ASTN2: variants seen among roughly 807,000 people sequenced by gnomAD.
ASTN2 encodes astrotactin 2.
In ASTN2, 54 loss-of-function variants were observed where a neutral mutation model predicts 139.8. The ratio of observed to expected loss-of-function variants is 0.39; its 90% CI spans 0.31 to 0.48. The LOEUF (loss-of-function observed/expected upper bound fraction) is 0.48. Ranked by LOEUF, ASTN2 falls within the 20% of genes least tolerant of loss-of-function variation. ASTN2 has a pLI of 0.95. For missense variants in ASTN2, 1,565 were observed against 1,725.1 expected (o/e 0.91, Z 1.64); for synonymous variants, 756 against 719.5 (o/e 1.05, Z -0.81).
At chr9:116,819,517 G>A (rs1831425581) in intron 12 of ASTN2, among the ~76,000 whole-genome samples, 1 of 152,078 alleles carries the variant, frequency 6.6e-6, no homozygotes, top group Non-Finnish European at 1.5e-5. Context: ...AGAAAAACTG[G>A]ACTCTACACA....
intron 2 of ASTN2, among the ~76,000 whole-genome samples, chr9:117,275,037 T>C (rs1834153145): frequency 6.6e-6 from 1 of 152,242 alleles, no homozygotes; most frequent in Non-Finnish European, 1.5e-5. Context: ...GAGTATATTC[T>C]TACACATTTC....
Position 116,424,277 on chromosome 9 carries a change from A to G in ASTN2, c.*1574T>C, listed in dbSNP as rs73656833. Reference sequence around the variant, plus strand: ...GTATGTCACCCCCTAAGCTATCATCACCTCCTTCATGGAAAATGACAATGG... The same window carrying G: ...GTATGTCACCCCCTAAGCTATCATCGCCTCCTTCATGGAAAATGACAATGG... On this transcript the variant is annotated 3_prime_UTR_variant, in exon 23 of 23. Coordinates refer to ENST00000313400, the MANE Select transcript of ASTN2 (RefSeq NM_001365068.1). 4.4e-3 allele frequency among the ~76,000 whole-genome samples: 665 copies of G among 152,148 alleles called. 4 individuals are homozygous for G. Among genetic ancestry groups the G allele is most frequent in the African/African-American group, 0.015 (621 of 41,500 alleles).
intron 16 of ASTN2, among the ~76,000 whole-genome samples, chr9:116,680,093 T>G (rs1859754817): frequency 6.6e-6 from 1 of 152,130 alleles, no homozygotes; most frequent in Non-Finnish European, 1.5e-5. Flanking sequence ...GAGCTGGTTT[T>G]TTGAAAGGAT....
chr9:116,614,076 C>G (rs1177369856), intron 19 of ASTN2, among the ~76,000 whole-genome samples: 2 of 152,072 alleles, frequency 1.3e-5, no homozygotes, highest in African/African-American at 2.4e-5. Context: ...TTCCTATACA[C>G]CAATAACAGA....
Position 116,723,448 on chromosome 9 carries a change from C to A in ASTN2, c.2806+2323G>T, listed in dbSNP as rs113056984. 2.4e-3 allele frequency among the ~76,000 whole-genome samples: 369 copies of A among 152,062 alleles called. 2 individuals carry two copies. Among genetic ancestry groups the A allele is most frequent in the African/African-American group, 8.5e-3 (353 of 41,472 alleles). On this transcript the variant is annotated intron_variant, in intron 16 of 22. Transcript: ENST00000313400. Reference sequence around the variant, plus strand: ...GAAAGAGGAGTAAAGACATGAAACACCCTCCATCCCACTTCAGCACTGCAC... The same window carrying A: ...GAAAGAGGAGTAAAGACATGAAACAACCTCCATCCCACTTCAGCACTGCAC...
intron 19 of ASTN2, among the ~76,000 whole-genome samples, chr9:116,548,216 C>T (rs1852188732): frequency 6.6e-6 from 1 of 152,154 alleles, no homozygotes; most frequent in Admixed American, 6.5e-5. Flanking sequence ...GGAGGCTGCC[C>T]TCCTGCCTGG....
At chr9:116,801,239 G>A (rs1420545446) in intron 13 of ASTN2, among the ~76,000 whole-genome samples, 1 of 152,082 alleles carries the variant, frequency 6.6e-6, no homozygotes, top group Non-Finnish European at 1.5e-5. Context: ...GAAGGACAAA[G>A]GAGCTCCATC....
intron 4 of ASTN2, among the ~76,000 whole-genome samples, chr9:117,132,140 T>C (rs78227496): frequency 6.6e-6 from 1 of 152,178 alleles, no homozygotes; most frequent in Non-Finnish European, 1.5e-5. Flanking sequence ...AGCAGAATGA[T>C]GATGTGTACC....
At chr9:116,788,832 A>G (rs1304037318) in intron 13 of ASTN2, among the ~76,000 whole-genome samples, 1 of 152,174 alleles carries the variant, frequency 6.6e-6, no homozygotes, top group Non-Finnish European at 1.5e-5. Context: ...TAGATAATAC[A>G]AAAAATAAAA....
At chr9:116,440,545 G>A in intron 22 of ASTN2, 64 bp downstream of exon 22, 3 of 1,488,344 alleles carry the variant, frequency 2.0e-6, no homozygotes, top group African/African-American at 1.4e-5. Context: ...TGGGGAAAGG[G>A]TCCAGAAAAG....
intron 1 of ASTN2, among the ~76,000 whole-genome samples, chr9:117,352,417 G>A (rs776659385): frequency 6.6e-6 from 1 of 152,156 alleles, no homozygotes; most frequent in Non-Finnish European, 1.5e-5. Flanking sequence ...TAAACACACA[G>A]AGGTCAAACA....
At chr9:116,596,517 C>A (rs889295503) in intron 19 of ASTN2, among the ~76,000 whole-genome samples, 11 of 152,152 alleles carry the variant, frequency 7.2e-5, no homozygotes, top group Non-Finnish European at 1.5e-5. Flanking sequence ...ATGTTTGTAT[C>A]TTGCTTGTGG....
intron 1 of ASTN2, among the ~76,000 whole-genome samples, chr9:117,302,489 C>G (rs533927489): frequency 1.3e-5 from 2 of 152,156 alleles, no homozygotes; most frequent in Admixed American, 1.3e-4. Flanking sequence ...TAGCAGTATG[C>G]GGGACAAGGA....
intron 10 of ASTN2, among the ~76,000 whole-genome samples, chr9:116,947,351 G>A (rs997414504): frequency 2.0e-5 from 3 of 152,192 alleles, no homozygotes; most frequent in Non-Finnish European, 2.9e-5. Context: ...TGATGAGGTT[G>A]TTATTTCTTC....
chr9:116,633,782 A>G (rs1235998801), intron 17 of ASTN2, among the ~76,000 whole-genome samples: 1 of 152,136 alleles, frequency 6.6e-6, no homozygotes, highest in Non-Finnish European at 1.5e-5. Flanking sequence ...GGGCAGGAAA[A>G]TAAAGGTCAC....
chr9:116,955,501 C>G (rs1835681957), intron 10 of ASTN2, among the ~76,000 whole-genome samples: 1 of 152,232 alleles, frequency 6.6e-6, no homozygotes, highest in Admixed American at 6.5e-5. Flanking sequence ...CTAGCCGATC[C>G]TGTTCACCCT....
intron 2 of ASTN2, among the ~76,000 whole-genome samples, chr9:117,235,435 A>T (rs955657716): frequency 1.3e-5 from 2 of 152,180 alleles, no homozygotes; most frequent in South Asian, 4.1e-4. Flanking sequence ...CGGGTCACGA[A>T]ATTAATCTGT....
intron 13 of ASTN2, among the ~76,000 whole-genome samples, chr9:116,754,837 A>G (rs1168371465): frequency 6.6e-6 from 1 of 152,242 alleles, no homozygotes; most frequent in East Asian, 1.9e-4. Flanking sequence ...CTCTCCAACA[A>G]GTGTGAACTT....
intron 4 of ASTN2, among the ~76,000 whole-genome samples, chr9:117,114,929 C>G (rs1172103869): frequency 6.6e-6 from 1 of 152,124 alleles, no homozygotes; most frequent in Non-Finnish European, 1.5e-5. Flanking sequence ...CCATTTCCAG[C>G]CATGTGAGGG....
Sources: gnomAD v4.1 joint callset for allele counts (sites outside exome capture counted in the v4.1 genomes callset) on GRCh38, gnomAD v4.1.1 for gene constraint, MANE v1.5 for transcripts, NCBI Gene and HGNC (gene_info 2026-07-23, HGNC 2026-07-21) for gene names.